Variants in AFF1 observed in about 807,000 individuals in gnomAD.
AFF1 encodes the protein ALF transcription elongation factor 1, also known as AF4/FMR2 family member 1.
In AFF1, 48 loss-of-function variants were observed where a neutral mutation model predicts 121.7. The observed-to-expected ratio is 0.39, with a 90% CI of 0.31 to 0.50. AFF1 has a LOEUF of 0.50. AFF1 is among the 20% of genes least tolerant of loss of function. AFF1 has a pLI of 0.76. For synonymous variants in AFF1, 613 were observed against 563.0 expected, an observed-to-expected ratio of 1.09 and a Z score of -1.26; for missense variants, 1,523 against 1,511.7, an observed-to-expected ratio of 1.01 and a Z score of -0.12.
rs759144285 is a variant in AFF1 at position 87,114,856 on chromosome 4, G to GAGA, written c.2032_2034dup (p.Lys678dup). The GAGA allele has an allele frequency of 6.2e-7, 1 of 1,613,948 alleles. No homozygotes were observed. Among genetic ancestry groups the GAGA allele is most frequent in the Admixed American group, 1.7e-5 (1 of 60,000 alleles). On this transcript the variant is annotated inframe_insertion, in exon 12 of 21. Coordinates refer to ENST00000395146, the MANE Select transcript of AFF1 (RefSeq NM_001166693.3). The stretch of plus-strand genomic sequence containing the variant: ...CAAGCCAGCAGTGCCCCCCTCCAGT[G>GAGA]AGAAGAAGAAGCACAAGAGCTCCCT...
intron 2 of AFF1, among the ~76,000 whole-genome samples, chr4:86,988,341 C>T (rs1724449334): frequency 1.3e-5 from 2 of 152,068 alleles, no homozygotes; most frequent in African/African-American, 2.4e-5. Flanking sequence ...CTCCCAGCCT[C>T]TGGTGACCAT....
chr4:87,136,474 C>T lies in AFF1; in HGVS notation c.*773C>T, dbSNP rs1421646395. ...ATGGGGTGCCACCTCGAGGTCTGCA[C>T]AGGAGGACTTGGCGCTGCCATTTCC... is the stretch of plus-strand genomic sequence containing the variant. On this transcript the variant is annotated 3_prime_UTR_variant, in exon 21 of 21. Transcript: ENST00000395146. 2 of 232,690 alleles carry T rather than the reference C, an allele frequency of 8.6e-6. No individual in the cohort carries two copies. Among genetic ancestry groups the T allele is most frequent in the Non-Finnish European group, 1.7e-5 (2 of 117,860 alleles). The allele number at this position is 232,690 out of a possible 1,614,324, so 14.4% of individuals were successfully genotyped here. A position where few individuals can be genotyped will look rare whatever the true frequency, so the allele number is the denominator to read the frequency against.
At position 87,093,954 on chromosome 4, in the gene AFF1, C is replaced by T. The variant is rs141354388; in HGVS notation, c.1229-961C>T. Reference sequence around the variant, plus strand: ...AGGTAGCACTACCAGAGTAATCCTTCTGAGGAATCACTGTGTCATGTTCCT... The same window carrying T: ...AGGTAGCACTACCAGAGTAATCCTTTTGAGGAATCACTGTGTCATGTTCCT... On this transcript the variant is annotated intron_variant, in intron 7 of 20. Coordinates refer to ENST00000395146, the MANE Select transcript of AFF1 (RefSeq NM_001166693.3). Among the ~76,000 whole-genome samples the T allele has an allele frequency of 1.2e-3, 182 of 152,300 alleles. 1 individual carries two copies. The highest frequency in any genetic ancestry group is 4.1e-3 in the African/African-American group (170 of 41,550).
At chr4:87,033,751 A>C (rs2149587559) in intron 2 of AFF1, among the ~76,000 whole-genome samples, 1 of 152,188 alleles carries the variant, frequency 6.6e-6, no homozygotes, top group Non-Finnish European at 1.5e-5. Flanking sequence ...GGGACTTGAA[A>C]ATTTGATGTT....
intron 13 of AFF1, 160 bp downstream of exon 13, chr4:87,125,303 G>A (rs1260765550): frequency 2.2e-6 from 1 of 455,480 alleles, no homozygotes; most frequent in East Asian, 3.4e-5. Flanking sequence ...TTGCATCCAT[G>A]AGGACCTTAC....
chr4:87,102,206 C>T (rs1303813417), intron 8 of AFF1, among the ~76,000 whole-genome samples: 1 of 152,162 alleles, frequency 6.6e-6, no homozygotes, highest in African/African-American at 2.4e-5. Context: ...TTCTTTTGAA[C>T]AGTGTCAAAG....
chr4:87,116,426 C>T (rs1727129062), intron 12 of AFF1, among the ~76,000 whole-genome samples: 1 of 152,052 alleles, frequency 6.6e-6, no homozygotes, highest in African/African-American at 2.4e-5. Flanking sequence ...CCAACTTGCC[C>T]AAGAATCAGA....
At position 87,020,726 on chromosome 4, in the gene AFF1, C is replaced by T. The variant is rs371545611; in HGVS notation, c.39-25440C>T. The T allele has an allele frequency of 4.3e-5, 38 of 880,770 alleles. No individual in the cohort carries two copies. The East Asian group carries it at 1.1e-3, about 25-fold the overall frequency. 54.6% of individuals were successfully genotyped at this position (880,770 alleles called of 1,614,324 possible). A position where few individuals can be genotyped will look rare whatever the true frequency, so the allele number is the denominator to read the frequency against. ...TTCTCAGTCTCCTGACCTCATGATC[C>T]GCCTGCCTCAGCCTCTCAAAATGCT... On this transcript the variant is annotated intron_variant, in intron 2 of 20. Coordinates refer to ENST00000395146, the MANE Select transcript of AFF1 (RefSeq NM_001166693.3).
At chr4:87,011,172 G>T (rs1250863287) in intron 2 of AFF1, among the ~76,000 whole-genome samples, 2 of 152,130 alleles carry the variant, frequency 1.3e-5, no homozygotes, top group Non-Finnish European at 2.9e-5. Context: ...GTATGCATGG[G>T]AGTAGGGGAG....
At chr4:86,966,221 C>T (rs1281035322) in intron 2 of AFF1, among the ~76,000 whole-genome samples, 2 of 152,106 alleles carry the variant, frequency 1.3e-5, no homozygotes, top group African/African-American at 2.4e-5. Flanking sequence ...AGTAAATGCT[C>T]AGCACCTACT....
At chr4:87,118,638 T>C (rs1391703140) in intron 12 of AFF1, among the ~76,000 whole-genome samples, 1 of 152,112 alleles carries the variant, frequency 6.6e-6, no homozygotes, top group Non-Finnish European at 1.5e-5. Flanking sequence ...TCCAGGCACA[T>C]GCCACTGTAC....
In AFF1 at chr4:87,107,253, G is replaced by T. The variant is rs76130417; in HGVS notation, c.1377-906G>T. 2.7e-3 allele frequency among the ~76,000 whole-genome samples: 415 copies of T among 152,268 alleles called. 6 individuals are homozygous for T. The highest frequency in any genetic ancestry group is 0.011 in the East Asian group (57 of 5,178). ...TGAATCTATTTTGAAAATATTTTAG[G>T]TAGATTTGAAATCTGTCCAGATTAT... On this transcript the variant is annotated intron_variant, in intron 10 of 20. Transcript: ENST00000395146.
intron 4 of AFF1, among the ~76,000 whole-genome samples, chr4:87,058,368 C>T (rs562205142): frequency 5.1e-4 from 78 of 152,208 alleles, no homozygotes; most frequent in Admixed American, 2.9e-3. Flanking sequence ...TAGGGTGGCA[C>T]GGGTGATTCA....
At chr4:87,007,118 T>G (rs1726211788) in intron 2 of AFF1, 2 of 1,271,018 alleles carry the variant, frequency 1.6e-6, no homozygotes, top group Non-Finnish European at 2.0e-6. Flanking sequence ...GGGCGCTCGC[T>G]TGCCCCGGAT....
chr4:87,009,176 G>GAC (rs1726474548), intron 2 of AFF1, among the ~76,000 whole-genome samples: 1 of 152,248 alleles, frequency 6.6e-6, no homozygotes, highest in Non-Finnish European at 1.5e-5. Flanking sequence ...GATTAGCTCT[G>GAC]ACTCTTCTCA....
chr4:87,086,860 A>C (rs1723789255), intron 5 of AFF1, among the ~76,000 whole-genome samples: 1 of 152,206 alleles, frequency 6.6e-6, no homozygotes, highest in South Asian at 2.1e-4. Flanking sequence ...GTTTCCTAAC[A>C]GAGAAAATCA....
chr4:87,120,627 CT>C (rs1326554287), intron 12 of AFF1, among the ~76,000 whole-genome samples: 1 of 152,246 alleles, frequency 6.6e-6, no homozygotes, highest in African/African-American at 2.4e-5. Context: ...GGTCGGCGTA[CT>C]GGCTCTGGCG....
At chr4:87,083,323 C>T (rs1402230306) in intron 4 of AFF1, among the ~76,000 whole-genome samples, 3 of 152,188 alleles carry the variant, frequency 2.0e-5, no homozygotes, top group African/African-American at 7.2e-5. Flanking sequence ...TCTACCCTTA[C>T]AGTCTTTCTC....
chr4:87,119,613 G>A (rs544026112), intron 12 of AFF1, among the ~76,000 whole-genome samples: 104 of 152,288 alleles, frequency 6.8e-4, no homozygotes, highest in Non-Finnish European at 1.1e-3. Flanking sequence ...AGAGCTACAT[G>A]TGTGAGCCTT....
Sources: allele counts gnomAD v4.1 joint callset (sites outside exome capture counted in the v4.1 genomes callset), GRCh38; gene constraint gnomAD v4.1.1; transcripts MANE v1.5; gene names NCBI Gene and HGNC (gene_info 2026-07-23, HGNC 2026-07-21).